LAMA2: variants seen among roughly 807,000 people sequenced by gnomAD.
The protein encoded by LAMA2 is laminin subunit alpha 2.
Under a neutral mutation model 364.8 loss-of-function variants are expected in LAMA2, and 269 were observed. The ratio of observed to expected loss-of-function variants is 0.74; its 90% CI spans 0.67 to 0.82. The LOEUF (loss-of-function observed/expected upper bound fraction) is 0.82. LAMA2 is among the 40% of genes least tolerant of loss of function. The pLI, the probability that LAMA2 is intolerant of heterozygous loss-of-function variation, is 0.00. For missense variants in LAMA2, 3,807 were observed against 3,873.2 expected, an observed-to-expected ratio of 0.98 and a Z score of 0.45; for synonymous variants, 1,379 against 1,370.6, an observed-to-expected ratio of 1.01 and a Z score of -0.14.
chr6:129,019,808 C>T (rs1314800543), intron 1 of LAMA2, among the ~76,000 whole-genome samples: 8 of 152,228 alleles, frequency 5.3e-5, no homozygotes, highest in Admixed American at 1.3e-4. Context: ...TGTAGCAGGG[C>T]GCAGTGGCTC....
chr6:129,507,366 A>C, intron 61 of LAMA2, 123 bp from the exon 62 acceptor site: 1 of 1,011,110 alleles, frequency 9.9e-7, no homozygotes, highest in South Asian at 1.3e-5. Flanking sequence ...GCTTTGGGGG[A>C]TATCCCATCC....
At chr6:129,238,666 A>G (rs1297103871) in intron 12 of LAMA2, among the ~76,000 whole-genome samples, 1 of 152,060 alleles carries the variant, frequency 6.6e-6, no homozygotes, top group Admixed American at 6.6e-5. Context: ...TAAATCAAGG[A>G]TGCACTATAG....
intron 61 of LAMA2, among the ~76,000 whole-genome samples, chr6:129,507,195 A>G (rs1432653342): frequency 1.3e-5 from 2 of 152,086 alleles, no homozygotes; most frequent in African/African-American, 4.8e-5. Context: ...TGATACCAAC[A>G]TGGGGCCCAT....
intron 12 of LAMA2, among the ~76,000 whole-genome samples, chr6:129,245,456 A>G (rs1785686943): frequency 6.6e-6 from 1 of 152,154 alleles, no homozygotes; most frequent in Non-Finnish European, 1.5e-5. Flanking sequence ...AGAGAAATCA[A>G]TATTGTCCCC....
At chr6:129,179,037 T>G (rs990609444) in intron 10 of LAMA2, among the ~76,000 whole-genome samples, 4 of 152,148 alleles carry the variant, frequency 2.6e-5, no homozygotes, top group Non-Finnish European at 4.4e-5. Flanking sequence ...GTAGTAAATT[T>G]TCTAATCTAT....
intron 1 of LAMA2, among the ~76,000 whole-genome samples, chr6:128,984,015 A>G (rs1783057061): frequency 6.6e-6 from 1 of 152,126 alleles, no homozygotes; most frequent in African/African-American, 2.4e-5. Context: ...AGATTAAGGC[A>G]ATCAGAACCT....
chr6:129,189,768 C>T (rs1262087524), intron 10 of LAMA2, among the ~76,000 whole-genome samples: 1 of 152,116 alleles, frequency 6.6e-6, no homozygotes, highest in African/African-American at 2.4e-5. Flanking sequence ...TTCTATTATA[C>T]ATCCATGCAT....
chr6:129,133,790 T>TA (rs1334509516), intron 4 of LAMA2, among the ~76,000 whole-genome samples: 1 of 152,070 alleles, frequency 6.6e-6, no homozygotes, highest in East Asian at 1.9e-4. Flanking sequence ...TACATATGAG[T>TA]AAAAATCCAA....
rs367841133 is a variant in LAMA2 at position 129,098,400 on chromosome 6, C to G, written c.624C>G (p.Pro208=). 1.2e-6 allele frequency: 2 copies of G among 1,613,804 alleles called. No homozygotes were observed. The highest frequency in any genetic ancestry group is 2.7e-5 in the African/African-American group (2 of 74,842). ...CTTCATTTTACTCCAAGATACACCC[C>G]TTAGAAAATGGAGAGGTAAGATGAG... is the stretch of plus-strand genomic sequence containing the variant. ...ICTSFYSKIH[P]LENGEIHISL... Residue 208 remains proline, a synonymous_variant, in exon 4 of 65, where the codon CCC becomes CCG. Transcript: ENST00000421865.
intron 5 of LAMA2, among the ~76,000 whole-genome samples, chr6:129,145,157 A>C (rs778137006): frequency 5.3e-5 from 8 of 152,032 alleles, no homozygotes; most frequent in African/African-American, 1.2e-4. Context: ...TGATCCCACT[A>C]AGGTAAGACC....
chr6:129,229,669 G>A (rs531958805), intron 12 of LAMA2, among the ~76,000 whole-genome samples: 2 of 152,262 alleles, frequency 1.3e-5, no homozygotes, highest in African/African-American at 4.8e-5. Flanking sequence ...TTGGACCACA[G>A]TGATAATGGT....
intron 37 of LAMA2, among the ~76,000 whole-genome samples, chr6:129,393,821 GA>G (rs146302633): frequency 1.2e-3 from 183 of 152,284 alleles, no homozygotes; most frequent in African/African-American, 4.3e-3. Flanking sequence ...TCAATGAATT[GA>G]GACCAGAGCT....
At chr6:129,159,156 T>C in intron 8 of LAMA2, 1 of 1,501,528 alleles carries the variant, frequency 6.7e-7, no homozygotes, top group Admixed American at 1.7e-5. Flanking sequence ...ACTGTCACCT[T>C]TAGTAATTGG....
intron 48 of LAMA2, 86 bp downstream of exon 48, chr6:129,456,580 CT>C (rs1562581436): frequency 1.6e-6 from 2 of 1,241,376 alleles, no homozygotes; most frequent in Non-Finnish European, 1.2e-6. Context: ...TGATAAAGCT[CT>C]GTAAAACTTG....
chr6:129,209,636 G>C (rs542836289), intron 12 of LAMA2, among the ~76,000 whole-genome samples: 1 of 152,274 alleles, frequency 6.6e-6, no homozygotes, highest in South Asian at 2.1e-4. Context: ...TAAAAATCTA[G>C]TTATTGCTAT....
chr6:129,154,054 C>T (rs78404362), intron 7 of LAMA2, among the ~76,000 whole-genome samples: 96 of 152,188 alleles, frequency 6.3e-4, no homozygotes, highest in East Asian at 2.5e-3. Flanking sequence ...TTAATACCTC[C>T]AATACATCCA....
At chr6:129,172,350 T>C (rs1780231171) in intron 9 of LAMA2, among the ~76,000 whole-genome samples, 2 of 152,200 alleles carry the variant, frequency 1.3e-5, no homozygotes, top group African/African-American at 2.4e-5. Context: ...CAGATGGGTT[T>C]TTCGTGTGGA....
At chr6:128,915,307 C>T (rs1456274698) in intron 1 of LAMA2, among the ~76,000 whole-genome samples, 1 of 152,180 alleles carries the variant, frequency 6.6e-6, no homozygotes, top group African/African-American at 2.4e-5. Context: ...AATACATACA[C>T]ATACGAATTT....
intron 62 of LAMA2, among the ~76,000 whole-genome samples, chr6:129,509,486 T>C (rs917874838): frequency 2.6e-5 from 4 of 152,118 alleles, no homozygotes; most frequent in African/African-American, 9.7e-5. Flanking sequence ...CATAGTTGGA[T>C]CTCTTAGATT....
Sources: gnomAD v4.1 joint callset for allele counts (sites outside exome capture counted in the v4.1 genomes callset) on GRCh38, gnomAD v4.1.1 for gene constraint, MANE v1.5 for transcripts, NCBI Gene and HGNC (gene_info 2026-07-23, HGNC 2026-07-21) for gene names.